Variants in TEAD1 observed in about 807,000 individuals in gnomAD.
TEAD1 encodes the protein transcriptional enhancer factor TEF-1.
In TEAD1, 9 loss-of-function variants were observed where a neutral mutation model predicts 54.9. That is an observed-to-expected ratio of 0.16 (90% CI 0.10 to 0.29). TEAD1 has a LOEUF of 0.29. Among genes scored for constraint, TEAD1 ranks in the 10% least tolerant of loss-of-function variants. The pLI, the probability that TEAD1 is intolerant of heterozygous loss-of-function variation, is 1.00. For synonymous variants in TEAD1, 200 were observed against 187.8 expected (o/e 1.07, Z -0.53); for missense variants, 387 against 535.9 (o/e 0.72, Z 2.74).
intron 2 of TEAD1, among the ~76,000 whole-genome samples, chr11:12,696,561 T>C (rs574974934): frequency 5.3e-5 from 8 of 152,328 alleles, no homozygotes; most frequent in African/African-American, 1.9e-4. Context: ...TTCCATCTCT[T>C]GTGAGGGTTG....
At position 12,834,916 on chromosome 11, in the gene TEAD1, A is replaced by G. The variant is rs182162623; in HGVS notation, c.203-27334A>G. Among the ~76,000 whole-genome samples, 975 of 151,732 alleles carry G rather than the reference A, an allele frequency of 6.4e-3. 5 individuals carry two copies. Among genetic ancestry groups the G allele is most frequent in the Admixed American group, 0.01 (157 of 15,238 alleles). On this transcript the variant is annotated intron_variant, in intron 3 of 12. Coordinates refer to ENST00000527636, the MANE Select transcript of TEAD1 (RefSeq NM_021961.6). ...ACAGAGCAATTATAGATAAGTTTTG[A>G]CTCTGTTTCTTCCTGAGAGTTCTGA...
chr11:12,930,352 T>C (rs201837573), intron 12 of TEAD1, 26 bp downstream of exon 12: 103 of 1,613,758 alleles, frequency 6.4e-5, no homozygotes, highest in Middle Eastern at 1.7e-4. Context: ...CTTTCCTCTG[T>C]GGGCAGATGC....
At position 12,697,301 on chromosome 11, in the gene TEAD1, ATT is replaced by A. The variant is rs1441340471; in HGVS notation, c.-55+21743_-55+21744del. Reference sequence around the variant, plus strand: ...GTTAGGGAATCTCGAAAATCAGAGGATTTTATTAGCAAATGGATTATATAGCA... The same window carrying A: ...GTTAGGGAATCTCGAAAATCAGAGGATTATTAGCAAATGGATTATATAGCA... On this transcript the variant is annotated intron_variant, in intron 2 of 12. Transcript: ENST00000527636. Among the ~76,000 whole-genome samples, 4 of 152,320 alleles carry A rather than the reference ATT, an allele frequency of 2.6e-5. No homozygotes were observed. The South Asian group carries it at 6.2e-4, about 24-fold the overall frequency.
At chr11:12,793,654 A>G (rs936007443) in intron 3 of TEAD1, among the ~76,000 whole-genome samples, 2 of 152,192 alleles carry the variant, frequency 1.3e-5, no homozygotes, top group Admixed American at 1.3e-4. Flanking sequence ...CAAAAAACCC[A>G]CCGTTTTTAG....
At chr11:12,685,939 C>CT (rs1943323613) in intron 2 of TEAD1, among the ~76,000 whole-genome samples, 3 of 152,168 alleles carry the variant, frequency 2.0e-5, no homozygotes, top group Admixed American at 6.5e-5. Flanking sequence ...CTCTACCTAG[C>CT]TTTTTTCTTA....
chr11:12,821,107 C>A (rs1478246182), intron 3 of TEAD1, among the ~76,000 whole-genome samples: 1 of 152,162 alleles, frequency 6.6e-6, no homozygotes, highest in African/African-American at 2.4e-5. Context: ...AGAAGCAGAG[C>A]CCCATTCAAT....
chr11:12,687,103 C>T (rs1943350374), intron 2 of TEAD1, among the ~76,000 whole-genome samples: 1 of 152,192 alleles, frequency 6.6e-6, no homozygotes, highest in African/African-American at 2.4e-5. Flanking sequence ...TGCTATGGCT[C>T]TTCCTGTGAC....
In TEAD1 at chr11:12,764,285, G is replaced by A. The variant is rs756063329; in HGVS notation, c.53G>A (p.Arg18Lys). 6.8e-6 allele frequency: 11 copies of A among 1,614,224 alleles called. No homozygotes were observed. The East Asian group carries it at 2.5e-4, about 36-fold the overall frequency. ...GAGAGCCCTGCCGAAAACATGGAAA[G>A]GATGAGTGACTCTGCAGATAAGCCA... Residue 18 changes from arginine to lysine, a missense_variant, in exon 3 of 13, where the codon AGG becomes AAG. Around this residue, in one of 5 missense-constraint regions of TEAD1, gnomAD observed 55 missense variants for 50.4 expected, o/e 1.09. Coordinates refer to ENST00000527636, the MANE Select transcript of TEAD1 (RefSeq NM_021961.6).
At chr11:12,881,076 T>C in intron 7 of TEAD1, 25 bp downstream of exon 7, 1 of 1,613,716 alleles carries the variant, frequency 6.2e-7, no homozygotes, top group Non-Finnish European at 8.5e-7. Flanking sequence ...GGGTGGGCAC[T>C]GACAACTACG....
chr11:12,928,637 A>G (rs1330438294), intron 11 of TEAD1, among the ~76,000 whole-genome samples: 3 of 152,226 alleles, frequency 2.0e-5, no homozygotes, highest in Non-Finnish European at 4.4e-5. Context: ...CATAAAAAGA[A>G]TAACACTGGA....
chr11:12,748,244 G>C (rs1944791254), intron 2 of TEAD1, among the ~76,000 whole-genome samples: 1 of 152,190 alleles, frequency 6.6e-6, no homozygotes, highest in African/African-American at 2.4e-5. Context: ...TTACAGGCGT[G>C]AGCCGCTGCG....
intron 2 of TEAD1, among the ~76,000 whole-genome samples, chr11:12,735,542 T>C (rs1209567530): frequency 6.6e-6 from 1 of 151,668 alleles, no homozygotes; most frequent in Non-Finnish European, 1.5e-5. Context: ...CCCGCCCTCC[T>C]TGTCGCCTTT....
At chr11:12,888,844 A>G (rs1301846791) in intron 9 of TEAD1, among the ~76,000 whole-genome samples, 1 of 152,180 alleles carries the variant, frequency 6.6e-6, no homozygotes, top group African/African-American at 2.4e-5. Flanking sequence ...ACATCCTGAG[A>G]TAGTGACCAA....
At chr11:12,783,096 G>A (rs1530182) in intron 3 of TEAD1, among the ~76,000 whole-genome samples, 2 of 132,438 alleles carry the variant, frequency 1.5e-5, no homozygotes, top group Non-Finnish European at 3.2e-5. Context: ...CCAGGTAAGG[G>A]TTTGTGTGTG....
intron 2 of TEAD1, among the ~76,000 whole-genome samples, chr11:12,707,190 C>G (rs763368916): frequency 7.2e-6 from 1 of 138,308 alleles, no homozygotes; most frequent in African/African-American, 2.7e-5. Context: ...TATACTTGTG[C>G]GGCTGGTGTT....
intron 3 of TEAD1, among the ~76,000 whole-genome samples, chr11:12,798,384 T>C (rs1016935099): frequency 6.6e-6 from 1 of 152,250 alleles, no homozygotes; most frequent in African/African-American, 2.4e-5. Flanking sequence ...TTCACTTATA[T>C]TGATTTTTAA....
chr11:12,745,747 T>TA lies in TEAD1; in HGVS notation c.-54-18421dup, dbSNP rs550940630. On this transcript the variant is annotated intron_variant, in intron 2 of 12. Transcript: ENST00000527636. ...CCTTTTCCCCATCAAAATTAATTGT[T>TA]AAAAAAAAAAACTTAGCCCATATTT... is the stretch of plus-strand genomic sequence containing the variant. Among the ~76,000 whole-genome samples, 174 of 147,458 alleles carry TA rather than the reference T, an allele frequency of 1.2e-3. 1 individual carries two copies. The highest frequency in any genetic ancestry group is 3.5e-3 in the Middle Eastern group (1 of 286).
rs1486146271 is a variant in TEAD1, at chr11:12,860,177, T to G, written c.203-2073T>G. 2.6e-5 allele frequency among the ~76,000 whole-genome samples: 4 copies of G among 152,104 alleles called. No individual in the cohort carries two copies. The East Asian group carries it at 7.7e-4, about 29-fold the overall frequency. On this transcript the variant is annotated intron_variant, in intron 3 of 12. Coordinates refer to ENST00000527636, the MANE Select transcript of TEAD1 (RefSeq NM_021961.6). ...TGTTAATATCTGAAAGGCAGTTAAA[T>G]AAATAAGGGACTGGACTTCTTGTTA... is the stretch of plus-strand genomic sequence containing the variant.
chr11:12,684,186 G>A (rs1164722108), intron 2 of TEAD1, among the ~76,000 whole-genome samples: 1 of 152,162 alleles, frequency 6.6e-6, no homozygotes, highest in Non-Finnish European at 1.5e-5. Flanking sequence ...TAAAGCCCTT[G>A]ACCATTAATC....
Sources: gnomAD v4.1 joint callset for allele counts (sites outside exome capture counted in the v4.1 genomes callset) on GRCh38, gnomAD v4.1.1 for gene constraint, gnomAD v4.1.1 regional missense constraint, MANE v1.5 for transcripts, NCBI Gene and HGNC (gene_info 2026-07-23, HGNC 2026-07-21) for gene names.